The following CCDC171 variants were observed in gnomAD, a reference collection of about 807,000 sequenced individuals.
CCDC171 encodes coiled-coil domain containing 171, also known as coiled-coil domain-containing protein 171.
Under a neutral mutation model 168.2 loss-of-function variants are expected in CCDC171, and 177 were observed. The observed-to-expected ratio is 1.05, with a 90% confidence interval of 0.93 to 1.19. CCDC171 has a LOEUF of 1.19. Ranked by LOEUF, CCDC171 falls within the 50% of genes most tolerant of loss-of-function variation. CCDC171 has a pLI of 0.00. For synonymous variants in CCDC171, 687 were observed against 540.8 expected, an observed-to-expected ratio of 1.27 and a Z score of -3.75; for missense variants, 1,991 against 1,539.0, an observed-to-expected ratio of 1.29 and a Z score of -4.91.
intron 6 of CCDC171, among the ~76,000 whole-genome samples, chr9:15,598,110 C>G (rs1391044883): frequency 6.6e-6 from 1 of 152,078 alleles, no homozygotes; most frequent in African/African-American, 2.4e-5. Flanking sequence ...CTCCTGGATT[C>G]ATTGATTTTT....
At chr9:15,641,453 T>C (rs911906558) in intron 7 of CCDC171, among the ~76,000 whole-genome samples, 1 of 152,212 alleles carries the variant, frequency 6.6e-6, no homozygotes, top group Non-Finnish European at 1.5e-5. Flanking sequence ...AGCACATTCA[T>C]TGTACACATA....
At chr9:15,935,776 C>T (rs1224805321) in intron 25 of CCDC171, among the ~76,000 whole-genome samples, 1 of 152,002 alleles carries the variant, frequency 6.6e-6, no homozygotes, top group Non-Finnish European at 1.5e-5. Flanking sequence ...TTTAACTCAT[C>T]AGACTGTTGT....
intron 7 of CCDC171, among the ~76,000 whole-genome samples, chr9:15,625,674 A>G (rs1317394282): frequency 2.0e-5 from 3 of 152,106 alleles, no homozygotes; most frequent in South Asian, 2.1e-4. Context: ...CCATTGGTCT[A>G]TATCTCTGTT....
the CCDC171 span, among the ~76,000 whole-genome samples, chr9:16,099,788 G>T: frequency 6.6e-6 from 1 of 152,296 alleles, no homozygotes; most frequent in Non-Finnish European, 1.5e-5. Context: ...TTAAGAAAAA[G>T]ACTCAAATAG....
chr9:15,645,821 C>A (rs1316614097), intron 7 of CCDC171, among the ~76,000 whole-genome samples: 1 of 152,196 alleles, frequency 6.6e-6, no homozygotes, highest in Non-Finnish European at 1.5e-5. Context: ...GGAAAACACT[C>A]TTCAGGATAT....
intron 25 of CCDC171, among the ~76,000 whole-genome samples, chr9:15,962,044 A>G (rs1217754601): frequency 6.6e-6 from 1 of 152,186 alleles, no homozygotes. Flanking sequence ...ACATATCATG[A>G]CACATAAAAT....
At chr9:15,866,756 A>G (rs1323504049) in intron 23 of CCDC171, among the ~76,000 whole-genome samples, 2 of 152,030 alleles carry the variant, frequency 1.3e-5, no homozygotes, top group Middle Eastern at 3.2e-3. Context: ...ATAAATGGGA[A>G]GCTAGAAAAT....
At chr9:15,745,449 G>A (rs1214201627) in intron 17 of CCDC171, 66 bp from the exon 18 acceptor site, 13 of 1,013,200 alleles carry the variant, frequency 1.3e-5, no homozygotes, top group Admixed American at 5.3e-5. Flanking sequence ...ACACTGCTAC[G>A]AATTTTAAAT....
chr9:15,809,979 T>A (rs1252040623), intron 21 of CCDC171, among the ~76,000 whole-genome samples: 1 of 152,196 alleles, frequency 6.6e-6, no homozygotes, highest in Non-Finnish European at 1.5e-5. Context: ...AGGGTGCCGA[T>A]TGGTGCATTT....
At chr9:15,822,208 C>T (rs1272748693) in intron 21 of CCDC171, among the ~76,000 whole-genome samples, 3 of 151,930 alleles carry the variant, frequency 2.0e-5, no homozygotes, top group Non-Finnish European at 2.9e-5. Context: ...ACTTAAATGT[C>T]AGACCTAAAA....
At chr9:16,038,881 A>AAAAAAG (rs1554714920), upstream of CCDC171, among the ~76,000 whole-genome samples, 27 of 135,130 alleles carry the variant, frequency 2.0e-4, no homozygotes, top group East Asian at 9.8e-4. Context: ...AAAAAAAAAA[A>AAAAAAG]AAAGCTGAAT....
intron 6 of CCDC171, among the ~76,000 whole-genome samples, chr9:15,610,469 A>AAAAAAAAAAAAAAAAAAAAAAAAC (rs1432453522): frequency 7.3e-6 from 1 of 136,272 alleles, no homozygotes. Context: ...AAAAAAAAAA[A>AAAAAAAAAAAAAAAAAAAAAAAAC]AAAAAAAAAA....
At chr9:15,926,907 C>T (rs945193423) in intron 25 of CCDC171, among the ~76,000 whole-genome samples, 1 of 151,644 alleles carries the variant, frequency 6.6e-6, no homozygotes, top group Admixed American at 6.6e-5. Context: ...TATATCAGTG[C>T]TTTTACCATA....
At position 15,848,926 on chromosome 9, in the gene CCDC171, A is replaced by G; in HGVS notation, c.3447A>G (p.Ala1149=). The G allele has an allele frequency of 6.4e-7, 1 of 1,564,694 alleles. No individual in the cohort carries two copies. The highest frequency in any genetic ancestry group is 8.7e-7 in the Non-Finnish European group (1 of 1,152,550). The stretch of plus-strand genomic sequence containing the variant: ...AATGTGTTGCTAATCACATGAGAGC[A>G]GTAGAAAATACGCTTCACAAGGTAC... The part of the protein sequence containing the change: ...DKECVANHMR[A]VENTLHKVRD... The change falls in exon 23 of 26, where the codon GCA becomes GCG. Residue 1149 remains alanine (A), a synonymous_variant. Transcript: ENST00000380701.
chr9:15,617,982 G>T (rs943680037), intron 6 of CCDC171, among the ~76,000 whole-genome samples: 1 of 152,022 alleles, frequency 6.6e-6, no homozygotes, highest in African/African-American at 2.4e-5. Context: ...GAGGCAGGGG[G>T]GTCAGGGACC....
intron 3 of CCDC171, among the ~76,000 whole-genome samples, chr9:15,980,408 T>C (rs1406951982): frequency 6.6e-6 from 1 of 152,144 alleles, no homozygotes; most frequent in Non-Finnish European, 1.5e-5. Flanking sequence ...CTCCAGCAAA[T>C]GGTTCAGAAA....
chr9:15,673,226 G>C (rs891923013), intron 9 of CCDC171, among the ~76,000 whole-genome samples: 1 of 152,308 alleles, frequency 6.6e-6, no homozygotes, highest in Non-Finnish European at 1.5e-5. Context: ...TGCTGAAGTA[G>C]CTTATCAGTT....
the CCDC171 span, among the ~76,000 whole-genome samples, chr9:16,108,225 C>A: frequency 6.6e-6 from 1 of 152,154 alleles, no homozygotes; most frequent in African/African-American, 2.4e-5. Flanking sequence ...GTTGAGCTTT[C>A]CAGTCATTTG....
chr9:15,920,248 G>C, intron 24 of CCDC171, 22 bp from the exon 25 acceptor site: 1 of 1,498,960 alleles, frequency 6.7e-7, no homozygotes, highest in Non-Finnish European at 9.1e-7. Context: ...AATTATATGT[G>C]ACATTATTTT....
Sources: gnomAD v4.1 joint callset for allele counts (sites outside exome capture counted in the v4.1 genomes callset) on GRCh38, gnomAD v4.1.1 for gene constraint, MANE v1.5 for transcripts, NCBI Gene and HGNC (gene_info 2026-07-23, HGNC 2026-07-21) for gene names.